IRF8: variants seen among roughly 807,000 people sequenced by gnomAD.
IRF8 encodes the protein interferon regulatory factor 8, also known as interferon consensus sequence binding protein 1.
IRF8 carries 14 observed loss-of-function variants against 48.7 expected under a neutral mutation model. The ratio of observed to expected loss-of-function variants is 0.29; its 90% CI spans 0.19 to 0.45. IRF8 has a LOEUF of 0.45. Ranked by LOEUF, IRF8 falls within the 20% of genes least tolerant of loss-of-function variation. IRF8 has a pLI of 1.00. For synonymous variants in IRF8, 278 were observed against 227.3 expected, an observed-to-expected ratio of 1.22 and a Z score of -2.01; for missense variants, 493 against 580.7, an observed-to-expected ratio of 0.85 and a Z score of 1.55.
At chr16:85,901,216 G>C (rs556877407) in intron 1 of IRF8, 1 of 152,194 alleles carries the variant, frequency 6.6e-6, no homozygotes, top group African/African-American at 2.4e-5. Context: ...AGAATTCTGG[G>C]TCTCTTGAGA....
At chr16:85,905,502 G>C (rs1208283931) in intron 2 of IRF8, among the ~76,000 whole-genome samples, 1 of 152,230 alleles carries the variant, frequency 6.6e-6, no homozygotes, top group African/African-American at 2.4e-5. Context: ...TCTGAAATGA[G>C]TCTACCATCT....
chr16:85,907,407 C>T (rs4843320), intron 2 of IRF8, among the ~76,000 whole-genome samples: 25,695 of 152,266 alleles, frequency 0.17, 2,214 homozygotes, highest in East Asian at 0.25. Flanking sequence ...GGGCCGGGCG[C>T]GGTGGCTCAC....
In IRF8 at chr16:85,921,162, C is replaced by T. The variant is rs183121597; in HGVS notation, c.1161C>T (p.Ala387=). The T allele has an allele frequency of 1.3e-4, 216 of 1,614,158 alleles. 1 individual carries two copies. The highest frequency in any genetic ancestry group is 1.1e-3 in the Admixed American group (66 of 60,020). The change falls in exon 9 of 9, where the codon GCC becomes GCT. Residue 387 remains alanine, a synonymous_variant. Transcript: ENST00000268638. ...LAEEAGKSCG[A]GSVMQAPEEP... The stretch of plus-strand genomic sequence containing the variant: ...AAGAGGCTGGGAAGAGCTGTGGAGC[C>T]GGCTCTGTGATGCAGGCCCCCGAGG...
chr16:85,913,011 G>A, intron 4 of IRF8, 120 bp from the exon 5 acceptor site: 1 of 824,536 alleles, frequency 1.2e-6, no homozygotes. Flanking sequence ...TTTGTCTCCT[G>A]AGATAAAGGT....
intron 2 of IRF8, 192 bp downstream of exon 2, chr16:85,903,381 C>T (rs1268298193): frequency 1.8e-5 from 11 of 607,760 alleles, no homozygotes; most frequent in East Asian, 8.6e-5. Flanking sequence ...TTTTGAATTA[C>T]GGAGTCACTT....
chr16:85,900,000 A>T (rs1388522808), intron 1 of IRF8, among the ~76,000 whole-genome samples: 2 of 152,130 alleles, frequency 1.3e-5, no homozygotes, highest in African/African-American at 2.4e-5. Context: ...TTTTAAACCA[A>T]AGGTAAGAAC....
intron 3 of IRF8, among the ~76,000 whole-genome samples, chr16:85,910,924 A>G (rs1181094610): frequency 6.6e-6 from 1 of 152,258 alleles, no homozygotes; most frequent in African/African-American, 2.4e-5. Flanking sequence ...GATAAACTTC[A>G]TAAGGTAAGT....
At chr16:85,918,356 G>T in intron 6 of IRF8, 61 bp from the exon 7 acceptor site, 1 of 1,558,916 alleles carries the variant, frequency 6.4e-7, no homozygotes, top group South Asian at 1.2e-5. Flanking sequence ...CTGTGCACTT[G>T]GGCAGGAGGG....
chr16:85,899,564 T>G (rs141349420), intron 1 of IRF8, among the ~76,000 whole-genome samples: 1 of 152,328 alleles, frequency 6.6e-6, no homozygotes. Context: ...AAACGCGCTC[T>G]ATCATCCCAC....
intron 7 of IRF8, among the ~76,000 whole-genome samples, chr16:85,919,785 G>C (rs1392413282): frequency 6.6e-6 from 1 of 152,244 alleles, no homozygotes; most frequent in East Asian, 1.9e-4. Context: ...GGTGTCCTCA[G>C]GTCGGGGTTG....
At chr16:85,904,815 T>TTC (rs1904944872) in intron 2 of IRF8, among the ~76,000 whole-genome samples, 2 of 145,138 alleles carry the variant, frequency 1.4e-5, no homozygotes, top group Admixed American at 6.8e-5. Flanking sequence ...TGCAGATCTT[T>TTC]TTTTTTTTTT....
At chr16:85,918,380 C>A in intron 6 of IRF8, 37 bp from the exon 7 acceptor site, 1 of 1,588,172 alleles carries the variant, frequency 6.3e-7, no homozygotes, top group Non-Finnish European at 8.5e-7. Flanking sequence ...CTGTATGTCT[C>A]CCCGCAGCAC....
At position 85,918,531 on chromosome 16, in the gene IRF8, C is replaced by T. The variant is rs375458441; in HGVS notation, c.716C>T (p.Thr239Ile). The change falls in exon 7 of 9, where the codon ACC (threonine) becomes ATC (isoleucine). Residue 239 changes from threonine (T) to isoleucine (I), a missense_variant. Transcript: ENST00000268638. ...LSLSQPGLPG[T>I]KLYGPEGLEL... ...CTGAGCCAGCCTGGGCTGCCCGGCA[C>T]CAAGCTGTATGGGCCCGAGGGCCTG... 36 of 1,600,602 alleles carry T rather than the reference C, an allele frequency of 2.2e-5. No individual in the cohort carries two copies. Among genetic ancestry groups the T allele is most frequent in the Non-Finnish European group, 3.0e-5 (35 of 1,178,012 alleles).
rs1172794291 is a variant in IRF8 at position 85,914,152 on chromosome 16, A to C, written c.554-321A>C. 6 of 407,322 alleles carry C rather than the reference A, an allele frequency of 1.5e-5. No individual in the cohort carries two copies. In the Admixed American group the frequency reaches 1.8e-4, roughly 12 times the overall value. The allele number at this position is 407,322 out of a possible 1,614,324, so 25.2% of individuals were successfully genotyped here. On this transcript the variant is annotated intron_variant, in intron 5 of 8. Coordinates refer to ENST00000268638, the MANE Select transcript of IRF8 (RefSeq NM_002163.4). ...GATAAGCCCTGGGTGGTGGGTATGC[A>C]GTCCAGTGGTATTCTGGGGGTAAGT...
intron 6 of IRF8, 111 bp from the exon 7 acceptor site, chr16:85,918,306 C>A: frequency 7.8e-7 from 1 of 1,285,204 alleles, no homozygotes; most frequent in Non-Finnish European, 1.1e-6. Context: ...CAAAGTGGTT[C>A]AAGACACACA....
chr16:85,899,646 G>T (rs538083966), intron 1 of IRF8, among the ~76,000 whole-genome samples: 1 of 152,260 alleles, frequency 6.6e-6, no homozygotes, highest in South Asian at 2.1e-4. Flanking sequence ...AGTCGTTACT[G>T]AGGGTTAGTT....
intron 6 of IRF8, 96 bp downstream of exon 6, chr16:85,914,616 G>C: frequency 7.2e-7 from 1 of 1,392,976 alleles, no homozygotes; most frequent in Non-Finnish European, 1.0e-6. Flanking sequence ...GGATGAGCAG[G>C]ACCTGGTGTG....
Position 85,911,500 on chromosome 16 carries a change from G to T in IRF8, c.359-70G>T, listed in dbSNP as rs187544705. 59 of 1,274,128 alleles carry T rather than the reference G, an allele frequency of 4.6e-5. No homozygotes were observed. In the African/African-American group the frequency reaches 8.0e-4, roughly 17 times the overall value. 78.9% of individuals were successfully genotyped at this position (1,274,128 alleles called of 1,614,324 possible). ...CCTTAAACTCAGCATTTACAGAGTA[G>T]ATTATGGCTTCAGCAAAGGCTGTGA... On this transcript the variant is annotated intron_variant, in intron 3 of 8. Coordinates refer to ENST00000268638, the MANE Select transcript of IRF8 (RefSeq NM_002163.4).
chr16:85,907,656 G>A (rs1272512098), intron 2 of IRF8, among the ~76,000 whole-genome samples: 1 of 152,092 alleles, frequency 6.6e-6, no homozygotes, highest in Non-Finnish European at 1.5e-5. Flanking sequence ...CCAGACTGGT[G>A]ACAGAGTGAG....
Sources: allele counts gnomAD v4.1 joint callset (sites outside exome capture counted in the v4.1 genomes callset), GRCh38; gene constraint gnomAD v4.1.1; transcripts MANE v1.5; gene names NCBI Gene and HGNC (gene_info 2026-07-23, HGNC 2026-07-21).